ZFR: variants seen among roughly 807,000 people sequenced by gnomAD.
ZFR encodes zinc finger RNA-binding protein.
In ZFR, 19 loss-of-function variants were observed where a neutral mutation model predicts 130.7. The ratio of observed to expected loss-of-function variants is 0.15; its 90% confidence interval spans 0.10 to 0.21. ZFR has a LOEUF of 0.21. ZFR is among the 10% of genes least tolerant of loss of function. ZFR has a pLI of 1.00. For synonymous variants in ZFR, 466 were observed against 456.9 expected, an observed-to-expected ratio of 1.02 and a Z score of -0.25; for missense variants, 872 against 1,321.5, an observed-to-expected ratio of 0.66 and a Z score of 5.27.
chr5:32,423,211 T>C (rs1318436777), intron 2 of ZFR, among the ~76,000 whole-genome samples: 1 of 152,038 alleles, frequency 6.6e-6, no homozygotes, highest in Non-Finnish European at 1.5e-5. Flanking sequence ...CATGCATCTG[T>C]AGTCTCAGGT....
intron 11 of ZFR, chr5:32,394,454 AC>A (rs1458071348): frequency 6.0e-6 from 1 of 167,624 alleles, no homozygotes; most frequent in African/African-American, 2.4e-5. Context: ...AACCGCGATT[AC>A]TTTTGCATTA....
intron 9 of ZFR, among the ~76,000 whole-genome samples, chr5:32,397,627 G>GT: frequency 6.6e-6 from 1 of 151,638 alleles, no homozygotes; most frequent in Non-Finnish European, 1.5e-5. Context: ...CGGCTAATTT[G>GT]TTTTTTGTAT....
Position 32,406,841 on chromosome 5 carries a change from T to C in ZFR, c.965A>G (p.Lys322Arg), listed in dbSNP as rs762427127. ...APFQNKQLKP[K>R]QPPKPPQIHY... ...AATCTGTGGTGGTTTGGGAGGCTGT[T>C]TTGGTTTCAGTTGTTTATTTTGGAA... The change falls in exon 6 of 20, where the codon AAA becomes AGA. Residue 322 changes from lysine to arginine, a missense_variant. This residue lies in a region of ZFR where 240 missense variants were observed against 441.2 expected (regional missense o/e 0.54). Coordinates refer to ENST00000265069, the MANE Select transcript of ZFR (RefSeq NM_016107.5). 2 of 1,614,006 alleles carry C rather than the reference T, an allele frequency of 1.2e-6. No homozygotes were observed. The highest frequency in any genetic ancestry group is 1.7e-6 in the Non-Finnish European group (2 of 1,179,974).
intron 2 of ZFR, among the ~76,000 whole-genome samples, chr5:32,444,012 C>G (rs971790799): frequency 1.3e-5 from 2 of 150,734 alleles, no homozygotes; most frequent in Admixed American, 6.6e-5. Flanking sequence ...CTACCTCCCC[C>G]CTACTGGGGG....
intron 1 of ZFR, 51 bp downstream of exon 1, chr5:32,444,571 G>C (rs778005191): frequency 3.2e-5 from 46 of 1,444,396 alleles, no homozygotes; most frequent in Non-Finnish European, 3.8e-5. Flanking sequence ...CCCGCTGCCC[G>C]GGGCCAGGGA....
At chr5:32,372,083 T>C (rs912264803) in intron 17 of ZFR, among the ~76,000 whole-genome samples, 3 of 152,174 alleles carry the variant, frequency 2.0e-5, no homozygotes, top group Non-Finnish European at 4.4e-5. Flanking sequence ...TGGAGTGCCA[T>C]AGTATATTTG....
chr5:32,412,698 G>C (rs1017983607), intron 5 of ZFR, among the ~76,000 whole-genome samples: 3 of 152,070 alleles, frequency 2.0e-5, no homozygotes, highest in African/African-American at 7.2e-5. Context: ...AAGAATTCAG[G>C]GCAAAGTACC....
At chr5:32,418,470 G>GT (rs970868187) in intron 3 of ZFR, among the ~76,000 whole-genome samples, 4 of 152,164 alleles carry the variant, frequency 2.6e-5, no homozygotes, top group African/African-American at 9.6e-5. Context: ...CTCCTTTTCA[G>GT]TATTTCTTTT....
chr5:32,417,574 T>C lies in ZFR; in HGVS notation c.565+74A>G, dbSNP rs1044646813. 5 of 1,580,358 alleles carry C rather than the reference T, an allele frequency of 3.2e-6. No homozygotes were observed. In the African/African-American group the frequency reaches 6.7e-5, roughly 21 times the overall value. ...TATGAGTTTAGATGGACTCAAAAGC[T>C]TATCTTCATTAAACGCAGTAAGTCA... On this transcript the variant is annotated intron_variant, in intron 4 of 19. Coordinates refer to ENST00000265069, the MANE Select transcript of ZFR (RefSeq NM_016107.5).
At chr5:32,424,644 T>C (rs1407119218) in intron 2 of ZFR, among the ~76,000 whole-genome samples, 1 of 152,084 alleles carries the variant, frequency 6.6e-6, no homozygotes, top group Non-Finnish European at 1.5e-5. Context: ...GCAATCAGTA[T>C]GGTATAAAAG....
At chr5:32,388,696 C>A in intron 12 of ZFR, 22 bp from the exon 13 acceptor site, 3 of 1,555,748 alleles carry the variant, frequency 1.9e-6, no homozygotes, top group South Asian at 2.5e-5. Context: ...CAAAGTTGCT[C>A]AATTTAAAAA....
chr5:32,403,343 C>T lies in ZFR; in HGVS notation c.1279G>A (p.Val427Ile). Residue 427 changes from valine (V) to isoleucine (I), a missense_variant, in exon 8 of 20, where the codon GTT (valine) becomes ATT (isoleucine). Physicochemically the swap from Val to Ile is conservative, Grantham distance 29. This residue lies in a region of ZFR where 143 missense variants were observed against 137.9 expected (regional missense o/e 1.04). Coordinates refer to ENST00000265069, the MANE Select transcript of ZFR (RefSeq NM_016107.5). ...GTTGAAGAAGTAGCTTGGCTAACAA[C>T]ATTTGGTTCTGTTGATGGAATGGGT... ...GKPIPSTEPNVVSQATSSTAV... is the reference protein window; with the variant it reads ...GKPIPSTEPNIVSQATSSTAV... 6.2e-7 allele frequency: 1 copy of T among 1,614,152 alleles called. No individual in the cohort carries two copies. The highest frequency in any genetic ancestry group is 1.3e-5 in the African/African-American group (1 of 75,036).
At chr5:32,400,455 T>C (rs191469604) in intron 8 of ZFR, among the ~76,000 whole-genome samples, 4 of 152,264 alleles carry the variant, frequency 2.6e-5, no homozygotes, top group African/African-American at 9.6e-5. Context: ...TCAAAGTGAA[T>C]AGCAAGTACC....
Position 32,403,541 on chromosome 5 carries a change from T to C in ZFR, c.1225-144A>G, listed in dbSNP as rs1487933607. The C allele has an allele frequency of 8.1e-6, 8 of 986,808 alleles. No homozygotes were observed. The African/African-American group carries it at 1.1e-4, about 14-fold the overall frequency. The allele number at this position is 986,808 out of a possible 1,614,324, so 61.1% of individuals were successfully genotyped here. The stretch of plus-strand genomic sequence containing the variant: ...ATATGTTTTTGTATATACACACATA[T>C]ACAAAACTCATTACTTTCAAGATAA... On this transcript the variant is annotated intron_variant, in intron 7 of 19. Transcript: ENST00000265069.
chr5:32,363,895 TA>T, intron 19 of ZFR, 52 bp downstream of exon 19: 1 of 1,449,742 alleles, frequency 6.9e-7, no homozygotes, highest in Non-Finnish European at 9.5e-7. Flanking sequence ...AACAGAAAAA[TA>T]AAACCTTAAT....
chr5:32,435,080 G>A (rs1022521007), intron 2 of ZFR, among the ~76,000 whole-genome samples: 4 of 151,966 alleles, frequency 2.6e-5, no homozygotes, highest in Admixed American at 6.6e-5. Context: ...CATGATGGGG[G>A]GTTAATTTTT....
Position 32,395,208 on chromosome 5 carries a change from C to T in ZFR, c.1930G>A (p.Glu644Lys). 1 of 1,610,600 alleles carries T rather than the reference C, an allele frequency of 6.2e-7. No individual in the cohort carries two copies. Among genetic ancestry groups the T allele is most frequent in the Non-Finnish European group, 8.5e-7 (1 of 1,178,200 alleles). Residue 644 changes from glutamate (E) to lysine (K), a missense_variant, in exon 11 of 20, where the codon GAG (glutamate) becomes AAG (lysine). Around this residue, in one of 7 missense-constraint regions of ZFR, gnomAD observed 225 missense variants for 282.4 expected, o/e 0.80. Coordinates refer to ENST00000265069, the MANE Select transcript of ZFR (RefSeq NM_016107.5). ...TCTTCTTCTCGTCTTCGCCAGTACTCCTCCTTCTGCATTTGCTTCCTCATT... is the reference window on the plus strand; with the variant it reads ...TCTTCTTCTCGTCTTCGCCAGTACTTCTCCTTCTGCATTTGCTTCCTCATT... ...EKMRKQMQKE[E>K]YWRRREEEER...
In ZFR at chr5:32,420,066, T is replaced by A. The variant is rs1561913192; in HGVS notation, c.175A>T (p.Thr59Ser). Residue 59 changes from threonine to serine, a missense_variant, in exon 3 of 20, where the codon ACT becomes TCT. By Grantham distance (58) the Thr-to-Ser change is moderately conservative. This residue lies in a region of ZFR where 240 missense variants were observed against 441.2 expected (regional missense o/e 0.54). Transcript: ENST00000265069. ...TGGACAGTGTAGCTAGCAACTGTAGTTGGATGAGAATAGGCTACACCCGAA... is the reference window on the plus strand; with the variant it reads ...TGGACAGTGTAGCTAGCAACTGTAGATGGATGAGAATAGGCTACACCCGAA... ...PASGVAYSHPTTVASYTVHQA... is the reference protein window; with the variant it reads ...PASGVAYSHPSTVASYTVHQA... 1 of 1,610,438 alleles carries A rather than the reference T, an allele frequency of 6.2e-7. No individual in the cohort carries two copies. The highest frequency in any genetic ancestry group is 8.5e-7 in the Non-Finnish European group (1 of 1,177,842).
intron 5 of ZFR, among the ~76,000 whole-genome samples, chr5:32,413,201 CAAAACAAAACAAAACAA>C (rs1380829663): frequency 1.4e-5 from 2 of 143,208 alleles, no homozygotes; most frequent in South Asian, 2.3e-4. Flanking sequence ...TCAAAAAAAA[CAAAACAAAACAAAACAA>C]AAAACAAAAC....
Sources: gnomAD v4.1 joint callset for allele counts (sites outside exome capture counted in the v4.1 genomes callset) on GRCh38, gnomAD v4.1.1 for gene constraint, gnomAD v4.1.1 regional missense constraint, MANE v1.5 for transcripts, NCBI Gene and HGNC (gene_info 2026-07-23, HGNC 2026-07-21) for gene names.